Variants in NCOR2 observed in about 807,000 individuals in gnomAD.
NCOR2 encodes the protein nuclear receptor corepressor 2, also known as CTG repeat protein 26.
In NCOR2, 81 loss-of-function variants were observed where a neutral mutation model predicts 262.9. The observed-to-expected ratio is 0.31, with a 90% confidence interval of 0.26 to 0.37. The LOEUF (loss-of-function observed/expected upper bound fraction) is 0.37. NCOR2 is among the 10% of genes least tolerant of loss of function. The pLI is 1.00. For missense variants in NCOR2, 3,385 were observed against 3,621.4 expected (o/e 0.93, Z 1.68); for synonymous variants, 1,659 against 1,559.3 (o/e 1.06, Z -1.51).
intron 15 of NCOR2, among the ~76,000 whole-genome samples, chr12:124,399,845 G>A (rs1440369596): frequency 1.3e-5 from 2 of 152,150 alleles, no homozygotes; most frequent in Non-Finnish European, 1.5e-5. Context: ...CGAATCTTGG[G>A]AACTGCCACT....
rs528805395 is a variant in NCOR2, at chr12:124,530,802, T to C, written c.-118+4763A>G. On this transcript the variant is annotated intron_variant, in intron 1 of 46. Coordinates refer to the NCOR2 transcript ENST00000404621. ...CAAGTAAAATGAACCAAAGTGAACA[T>C]ACCAGCTGCAGGCCCCAGCATACAG... Among the ~76,000 whole-genome samples, 82 of 152,318 alleles carry C rather than the reference T, an allele frequency of 5.4e-4. No individual in the cohort carries two copies. In the Middle Eastern group the frequency reaches 0.017, roughly 32 times the overall value.
intron 13 of NCOR2, among the ~76,000 whole-genome samples, chr12:124,403,899 C>T (rs764862890): frequency 1.3e-5 from 2 of 152,206 alleles, no homozygotes; most frequent in Non-Finnish European, 2.9e-5. Context: ...CTGCATCTGC[C>T]TCTTTTCCCC....
chr12:124,461,907 G>A (rs975033855), intron 5 of NCOR2, among the ~76,000 whole-genome samples: 2 of 152,088 alleles, frequency 1.3e-5, no homozygotes, highest in Non-Finnish European at 2.9e-5. Flanking sequence ...ATGTGTAAGT[G>A]CACAGATAAC....
intron 1 of NCOR2, among the ~76,000 whole-genome samples, chr12:124,500,533 C>G (rs1392294906): frequency 4.6e-5 from 7 of 152,210 alleles, no homozygotes; most frequent in Non-Finnish European, 8.8e-5. Flanking sequence ...GGACCCAGAG[C>G]CCCTTCTGGT....
At chr12:124,372,699 G>A (rs1489879186) in intron 19 of NCOR2, 89 bp from the exon 22 acceptor site, 32 of 1,187,210 alleles carry the variant, frequency 2.7e-5, no homozygotes, top group Non-Finnish European at 3.0e-5. Context: ...GGATGAGGCC[G>A]CTCTGTCGCC....
chr12:124,354,170 C>A lies in NCOR2; in HGVS notation c.3616G>T (p.Gly1206Ter). The change falls in exon 27 of 47, where the codon GGA becomes TGA. Residue 1206 changes from glycine to a stop codon, truncating the protein, a stop_gained. Coordinates refer to ENST00000405201, the Ensembl canonical transcript of NCOR2. LOFTEE classifies it high-confidence loss of function. ...CTGGGAATGCCTTTGGTGATGCTTC[C>A]GCCCGGAACTGAGCCCAGAGCTGTC... The A allele has an allele frequency of 6.2e-7, 1 of 1,606,486 alleles. No homozygotes were observed. The highest frequency in any genetic ancestry group is 8.5e-7 in the Non-Finnish European group (1 of 1,178,346).
chr12:124,559,577 G>T (rs1209109720), intron 1 of NCOR2, among the ~76,000 whole-genome samples: 1 of 152,190 alleles, frequency 6.6e-6, no homozygotes, highest in African/African-American at 2.4e-5. Flanking sequence ...AAAGCATCTT[G>T]CAACAAGTGT....
intron 17 of NCOR2, among the ~76,000 whole-genome samples, chr12:124,379,786 G>T (rs2040279452): frequency 6.6e-6 from 1 of 152,228 alleles, no homozygotes; most frequent in Admixed American, 6.5e-5. Flanking sequence ...GGAGTGGGGT[G>T]GGCCCTAAAT....
intron 31 of NCOR2, 110 bp downstream of exon 33, chr12:124,346,454 G>T: frequency 1.7e-6 from 2 of 1,208,110 alleles, no homozygotes; most frequent in South Asian, 3.7e-5. Context: ...TGTAAGGTAC[G>T]CGAGGGCTCT....
At chr12:124,522,960 G>T (rs1001344556) in intron 1 of NCOR2, among the ~76,000 whole-genome samples, 1 of 152,196 alleles carries the variant, frequency 6.6e-6, no homozygotes, top group Non-Finnish European at 1.5e-5. Flanking sequence ...CTCGTGGGCA[G>T]CTTGAGGAAA....
At chr12:124,527,032 G>C (rs1279484290) in intron 1 of NCOR2, among the ~76,000 whole-genome samples, 1 of 152,244 alleles carries the variant, frequency 6.6e-6, no homozygotes, top group Non-Finnish European at 1.5e-5. Context: ...GGCTTGCTTT[G>C]TCCTTAGTGA....
intron 11 of NCOR2, 102 bp downstream of exon 13, chr12:124,426,520 C>T: frequency 3.4e-6 from 4 of 1,193,362 alleles, no homozygotes; most frequent in Non-Finnish European, 4.5e-6. Flanking sequence ...TTTTAAGCAC[C>T]CCCCGGCATG....
chr12:124,528,777 G>T (rs908746126), intron 1 of NCOR2, among the ~76,000 whole-genome samples: 2 of 152,220 alleles, frequency 1.3e-5, no homozygotes, highest in African/African-American at 4.8e-5. Context: ...CTCCTAGCCT[G>T]AAGGAGGAGA....
intron 13 of NCOR2, among the ~76,000 whole-genome samples, chr12:124,406,492 T>G (rs1026120847): frequency 2.0e-5 from 3 of 152,170 alleles, no homozygotes; most frequent in African/African-American, 7.2e-5. Flanking sequence ...AAGGACTCTG[T>G]GCAGCAGAAA....
At chr12:124,345,111 T>C (rs565221054) in intron 31 of NCOR2, among the ~76,000 whole-genome samples, 160 bp from the exon 34 acceptor site, 87 of 152,244 alleles carry the variant, frequency 5.7e-4, no homozygotes, top group African/African-American at 2.0e-3. Context: ...AACCCTGAGA[T>C]GGCACACTTG....
intron 1 of NCOR2, among the ~76,000 whole-genome samples, chr12:124,546,967 C>T (rs923778856): frequency 6.6e-6 from 1 of 152,068 alleles, no homozygotes; most frequent in Non-Finnish European, 1.5e-5. Flanking sequence ...ATACCGTTAA[C>T]ATTGTCTTTT....
rs138496300 is a variant in NCOR2 at position 124,467,784 on chromosome 12, T to C, written c.592-1498A>G. Among the ~76,000 whole-genome samples, 181 of 30,240 alleles carry C rather than the reference T, an allele frequency of 6.0e-3. 1 individual carries two copies. Among genetic ancestry groups the C allele is most frequent in the Admixed American group, 6.6e-3 (14 of 2,116 alleles). The allele number at this position is 30,240 out of a possible 152,430, so 19.8% of individuals were successfully genotyped here. On this transcript the variant is annotated intron_variant, in intron 4 of 46. Transcript: ENST00000405201. ...TCACCCCCATCACCCTCATCATCCT[T>C]ATCCTCATCACCCCCATCATCCTCA...
chr12:124,520,749 A>G (rs2050139456), intron 1 of NCOR2, among the ~76,000 whole-genome samples: 1 of 152,196 alleles, frequency 6.6e-6, no homozygotes, highest in Non-Finnish European at 1.5e-5. Context: ...CTGCTCAGCA[A>G]AAGAACTCCC....
At chr12:124,515,355 G>A (rs1287339397) in intron 1 of NCOR2, among the ~76,000 whole-genome samples, 3 of 148,574 alleles carry the variant, frequency 2.0e-5, no homozygotes, top group Admixed American at 6.8e-5. Context: ...CCTGGGTGAC[G>A]GAGTGAGACT....
Sources: gnomAD v4.1 joint callset for allele counts (sites outside exome capture counted in the v4.1 genomes callset) on GRCh38, gnomAD v4.1.1 for gene constraint, MANE v1.5 for transcripts, NCBI Gene and HGNC (gene_info 2026-07-23, HGNC 2026-07-21) for gene names.